Variants in GOLPH3L observed in about 807,000 individuals in gnomAD.
The protein encoded by GOLPH3L is golgi phosphoprotein 3 like.
GOLPH3L carries 22 observed loss-of-function variants against 30.3 expected under a neutral mutation model. The observed-to-expected ratio is 0.73, with a 90% CI of 0.52 to 1.04. The LOEUF (loss-of-function observed/expected upper bound fraction) is 1.04, where lower values mean the gene tolerates loss of function less well. GOLPH3L is among the 50% of genes least tolerant of loss of function. The probability of loss-of-function intolerance (pLI) is 0.00; values close to 1 mark genes in which losing one functional copy is unlikely to be tolerated. For missense variants in GOLPH3L, 303 were observed against 345.8 expected, an observed-to-expected ratio of 0.88 and a Z score of 0.98; for synonymous variants, 120 against 128.2, an observed-to-expected ratio of 0.94 and a Z score of 0.43.
chr1:150,676,619 T>A (rs1277369764), intron 2 of GOLPH3L, among the ~76,000 whole-genome samples: 1 of 151,762 alleles, frequency 6.6e-6, no homozygotes. Context: ...TAGTCTTCTG[T>A]ATTTCATACA....
At chr1:150,679,056 A>AT (rs1383654987) in intron 2 of GOLPH3L, among the ~76,000 whole-genome samples, 3 of 152,174 alleles carry the variant, frequency 2.0e-5, no homozygotes, top group East Asian at 1.9e-4. Context: ...TATCAAGAGC[A>AT]TTTTTTCCTA....
intron 2 of GOLPH3L, among the ~76,000 whole-genome samples, chr1:150,673,912 G>A: frequency 7.4e-6 from 1 of 135,004 alleles, no homozygotes; most frequent in Non-Finnish European, 1.6e-5. Context: ...GTGACAAAGT[G>A]AGACTCCCAT....
intron 4 of GOLPH3L, among the ~76,000 whole-genome samples, chr1:150,658,387 T>A (rs587640385): frequency 1.3e-5 from 2 of 152,352 alleles, no homozygotes; most frequent in Non-Finnish European, 2.9e-5. Context: ...TTATACTCAT[T>A]GGGCATATTT....
chr1:150,694,529 T>C (rs2101825389), intron 2 of GOLPH3L, 127 bp downstream of exon 2: 2 of 579,886 alleles, frequency 3.4e-6, no homozygotes, highest in African/African-American at 1.9e-5. Context: ...AACTCCTCCA[T>C]CTTCCAGATG....
chr1:150,651,123 C>T (rs1053046888), intron 4 of GOLPH3L, among the ~76,000 whole-genome samples: 4 of 152,124 alleles, frequency 2.6e-5, no homozygotes, highest in Admixed American at 1.3e-4. Flanking sequence ...TCAAGACAAG[C>T]CTGGCCAACA....
In GOLPH3L at chr1:150,694,722, T is replaced by C; in HGVS notation, c.117A>G (p.Gly39=). The stretch of plus-strand genomic sequence containing the variant: ...GAGTAAGGCGGATATCCTTAGAGTC[T>C]CCAGAATCTTCATTGTCTGGACTTT... The part of the protein sequence containing the change: ...WEKSPDNEDS[G]DSKDIRLTLM... The change falls in exon 2 of 5, where the codon GGA becomes GGG. Residue 39 remains glycine (G), a synonymous_variant. Coordinates refer to ENST00000271732, the MANE Select transcript of GOLPH3L (RefSeq NM_018178.6). The C allele has an allele frequency of 1.2e-6, 2 of 1,611,174 alleles. No individual in the cohort carries two copies. The highest frequency in any genetic ancestry group is 4.5e-5 in the East Asian group (2 of 44,846).
chr1:150,691,897 G>T (rs587669725), intron 2 of GOLPH3L, among the ~76,000 whole-genome samples: 4 of 150,742 alleles, frequency 2.7e-5, no homozygotes, highest in Admixed American at 6.6e-5. Flanking sequence ...TTAAACAAAT[G>T]GATGACTCTT....
chr1:150,658,059 C>T (rs1363291210), intron 4 of GOLPH3L, among the ~76,000 whole-genome samples: 2 of 152,222 alleles, frequency 1.3e-5, no homozygotes, highest in African/African-American at 2.4e-5. Context: ...GAATCAACAG[C>T]TGATTTGGAT....
chr1:150,661,469 C>T (rs1299952131), intron 4 of GOLPH3L, among the ~76,000 whole-genome samples: 1 of 152,064 alleles, frequency 6.6e-6, no homozygotes, highest in African/African-American at 2.4e-5. Context: ...TATGGCCATG[C>T]AATAAAATAT....
At chr1:150,667,820 T>C (rs1207457947) in intron 2 of GOLPH3L, among the ~76,000 whole-genome samples, 1 of 152,024 alleles carries the variant, frequency 6.6e-6, no homozygotes, top group Non-Finnish European at 1.5e-5. Context: ...GGTCTTGATC[T>C]CCTGACCTCG....
intron 4 of GOLPH3L, among the ~76,000 whole-genome samples, chr1:150,652,330 G>A (rs61817561): frequency 2.3e-5 from 3 of 128,274 alleles, no homozygotes; most frequent in Non-Finnish European, 4.7e-5. Flanking sequence ...GCATTGAGCT[G>A]AGATCGTGCC....
At chr1:150,663,856 C>T in intron 2 of GOLPH3L, 93 bp from the exon 3 acceptor site, 6 of 992,038 alleles carry the variant, frequency 6.0e-6, no homozygotes, top group East Asian at 2.5e-5. Context: ...TGTTGTGATT[C>T]GTTTCACATC....
chr1:150,652,609 A>T (rs1267945418), intron 4 of GOLPH3L, among the ~76,000 whole-genome samples: 1 of 152,108 alleles, frequency 6.6e-6, no homozygotes, highest in Non-Finnish European at 1.5e-5. Flanking sequence ...AACAAACAGT[A>T]AAAGTAATTA....
At chr1:150,688,727 G>T (rs1319310644) in intron 2 of GOLPH3L, among the ~76,000 whole-genome samples, 2 of 151,992 alleles carry the variant, frequency 1.3e-5, no homozygotes, top group East Asian at 3.9e-4. Flanking sequence ...TTGCAGCCTG[G>T]GTGACAGAAT....
At chr1:150,665,327 CTTTTT>C (rs72378434) in intron 2 of GOLPH3L, among the ~76,000 whole-genome samples, 1 of 145,108 alleles carries the variant, frequency 6.9e-6, no homozygotes, top group Non-Finnish European at 1.5e-5. Context: ...TTTGGGGTTA[CTTTTT>C]TTTTTTAAGA....
chr1:150,648,524 C>A lies in GOLPH3L; in HGVS notation c.655G>T (p.Asp219Tyr). ...ERWVNDPQRM[D>Y]KRTLALLVLA... ...ACCAGGAGTGCTAGTGTTCGCTTGT[C>A]CATACGCTGAGGGTCATTTACCCAC... is the stretch of plus-strand genomic sequence containing the variant. The change falls in exon 5 of 5, where the codon GAC (aspartate) becomes TAC (tyrosine). Residue 219 changes from aspartate (D) to tyrosine (Y), a missense_variant. Coordinates refer to ENST00000271732, the MANE Select transcript of GOLPH3L (RefSeq NM_018178.6). 2 of 1,613,834 alleles carry A rather than the reference C, an allele frequency of 1.2e-6. No homozygotes were observed. The highest frequency in any genetic ancestry group is 8.5e-7 in the Non-Finnish European group (1 of 1,179,760).
chr1:150,663,291 C>T (rs966710633), intron 3 of GOLPH3L, among the ~76,000 whole-genome samples: 3 of 152,056 alleles, frequency 2.0e-5, no homozygotes, highest in Non-Finnish European at 2.9e-5. Context: ...CCGCCCGCCT[C>T]GGCCTCTCAA....
At chr1:150,677,167 T>A (rs1231217488) in intron 2 of GOLPH3L, among the ~76,000 whole-genome samples, 1 of 151,540 alleles carries the variant, frequency 6.6e-6, no homozygotes. Flanking sequence ...GCCTCCCGGG[T>A]TCAAGCAATT....
In GOLPH3L at chr1:150,691,506, ACT is replaced by A. The variant is rs587696986; in HGVS notation, c.183+3148_183+3149del. ...ACTCCAACCTGGGTGACAGAGCAAG[ACT>A]CTGTCTTAAAAACAAAAACAAAAAC... On this transcript the variant is annotated intron_variant, in intron 2 of 4. Coordinates refer to ENST00000271732, the MANE Select transcript of GOLPH3L (RefSeq NM_018178.6). 4.9e-3 allele frequency among the ~76,000 whole-genome samples: 739 copies of A among 149,904 alleles called. 5 individuals are homozygous for A. The highest frequency in any genetic ancestry group is 0.017 in the African/African-American group (695 of 41,360).
Sources: allele counts gnomAD v4.1 joint callset (sites outside exome capture counted in the v4.1 genomes callset), GRCh38; gene constraint gnomAD v4.1.1; transcripts MANE v1.5; gene names NCBI Gene and HGNC (gene_info 2026-07-23, HGNC 2026-07-21).